CIT: variants seen among roughly 807,000 people sequenced by gnomAD.
The protein encoded by CIT is citron Rho-interacting kinase.
Under a neutral mutation model 272.7 loss-of-function variants are expected in CIT, and 79 were observed. The ratio of observed to expected loss-of-function variants is 0.29; its 90% CI spans 0.24 to 0.35. The LOEUF is 0.35. Ranked by LOEUF, CIT falls within the 10% of genes least tolerant of loss-of-function variation. The pLI is 1.00. For synonymous variants in CIT, 948 were observed against 995.6 expected (o/e 0.95, Z 0.90); for missense variants, 1,909 against 2,618.3 (o/e 0.73, Z 5.91).
intron 3 of CIT, among the ~76,000 whole-genome samples, chr12:119,867,475 ACCGCGCCCAGCCAC>A (rs1333915815): frequency 6.6e-6 from 1 of 152,196 alleles, no homozygotes; most frequent in Non-Finnish European, 1.5e-5. Flanking sequence ...CGCATGAGCC[ACCGCGCCCAGCCAC>A]AGTGACTATT....
rs747238115 is a variant in CIT at position 119,758,695 on chromosome 12, G to A, written c.2427C>T (p.Ile809=). The stretch of plus-strand genomic sequence containing the variant: ...ATCTGATCTTGGAATCCATAGCATT[G>A]ATCATCTGAAACACAGGGCACCTAT... ...GKILSEQKAM[I]NAMDSKIRSL... The change falls in exon 21 of 48, where the codon ATC becomes ATT. Residue 809 remains isoleucine (I), a synonymous_variant. Coordinates refer to ENST00000392521, the MANE Select transcript of CIT (RefSeq NM_001206999.2). 1.4e-5 allele frequency: 22 copies of A among 1,606,808 alleles called. No individual in the cohort carries two copies. Among genetic ancestry groups the A allele is most frequent in the Non-Finnish European group, 1.8e-5 (21 of 1,173,344 alleles).
At chr12:119,775,071 G>A (rs1471304821) in intron 16 of CIT, among the ~76,000 whole-genome samples, 6 of 152,152 alleles carry the variant, frequency 3.9e-5, no homozygotes, top group South Asian at 2.1e-4. Flanking sequence ...TCAGGAGTTC[G>A]AGACCAGCCT....
rs267603337 is a variant in CIT, at chr12:119,757,431, G to A, written c.2646C>T (p.Ile882=). The A allele has an allele frequency of 1.9e-6, 3 of 1,614,172 alleles. No homozygotes were observed. Among genetic ancestry groups the A allele is most frequent in the Non-Finnish European group, 8.5e-7 (1 of 1,180,032 alleles). ...TCTTGTCACTGTGGTCTTGGTGGCT[G>A]ATCTTCTCCAGCTGCTCCTCCAGTT... is the stretch of plus-strand genomic sequence containing the variant. ...NRKLEEQLEK[I]SHQDHSDKNR... Residue 882 remains isoleucine, a synonymous_variant, in exon 22 of 48, where the codon ATC becomes ATT. Transcript: ENST00000392521.
intron 25 of CIT, among the ~76,000 whole-genome samples, chr12:119,734,721 C>T (rs1448902971): frequency 1.3e-5 from 2 of 152,284 alleles, no homozygotes; most frequent in Admixed American, 1.3e-4. Context: ...ACTGCAGCCT[C>T]GACCTCCTGG....
intron 28 of CIT, among the ~76,000 whole-genome samples, chr12:119,727,360 G>C (rs1238901111): frequency 6.6e-6 from 1 of 152,156 alleles, no homozygotes; most frequent in East Asian, 1.9e-4. Context: ...AGAACGGAAA[G>C]CTAACTACTG....
intron 3 of CIT, among the ~76,000 whole-genome samples, chr12:119,868,500 A>G (rs1245794990): frequency 6.6e-6 from 1 of 152,138 alleles, no homozygotes; most frequent in African/African-American, 2.4e-5. Flanking sequence ...TAAAGCTAAA[A>G]CTTAACTCAT....
At chr12:119,695,215 G>A (rs1956165649) in intron 46 of CIT, among the ~76,000 whole-genome samples, 1 of 152,168 alleles carries the variant, frequency 6.6e-6, no homozygotes, top group African/African-American at 2.4e-5. Context: ...CCCCAGATCT[G>A]TGGAAGAGTT....
intron 9 of CIT, among the ~76,000 whole-genome samples, chr12:119,815,675 C>A (rs2137986560): frequency 6.6e-6 from 1 of 151,802 alleles, no homozygotes; most frequent in South Asian, 2.1e-4. Flanking sequence ...CATTGCACTC[C>A]AGCCTGGGCA....
chr12:119,747,638 T>C (rs534520360), intron 23 of CIT, among the ~76,000 whole-genome samples: 1 of 151,490 alleles, frequency 6.6e-6, no homozygotes, highest in Non-Finnish European at 1.5e-5. Context: ...GAGAATCGCC[T>C]GAACCCAGGA....
At chr12:119,747,927 A>T (rs753984746) in intron 23 of CIT, among the ~76,000 whole-genome samples, 4 of 152,134 alleles carry the variant, frequency 2.6e-5, no homozygotes, top group Non-Finnish European at 4.4e-5. Flanking sequence ...ACTTTGAGAG[A>T]CCAAGGCAGG....
In CIT at chr12:119,876,173, C is replaced by T. The variant is rs1179894199; in HGVS notation, c.-5G>A. The T allele has an allele frequency of 1.2e-6, 2 of 1,608,448 alleles. No individual in the cohort carries two copies. Among genetic ancestry groups the T allele is most frequent in the African/African-American group, 2.7e-5 (2 of 74,736 alleles). Reference sequence around the variant, plus strand: ...TCCATATTTGAACTTCAACATCTCCCCACTGGCGCTGAAAGGATATCAGAA... The same window carrying T: ...TCCATATTTGAACTTCAACATCTCCTCACTGGCGCTGAAAGGATATCAGAA... On this transcript the variant is annotated 5_prime_UTR_variant, in exon 2 of 48. Transcript: ENST00000392521.
At chr12:119,720,645 G>A in intron 29 of CIT, 60 bp from the exon 30 acceptor site, 1 of 1,269,210 alleles carries the variant, frequency 7.9e-7, no homozygotes, top group Non-Finnish European at 1.1e-6. Context: ...TTTAAAGTTG[G>A]TACTTTAAGA....
chr12:119,732,929 C>G (rs1958541895), intron 26 of CIT, among the ~76,000 whole-genome samples: 1 of 152,200 alleles, frequency 6.6e-6, no homozygotes, highest in Admixed American at 6.5e-5. Context: ...TTTGTACAAA[C>G]TGGAAAGCGG....
At chr12:119,789,375 A>G (rs972617793) in intron 10 of CIT, among the ~76,000 whole-genome samples, 2 of 152,196 alleles carry the variant, frequency 1.3e-5, no homozygotes, top group Non-Finnish European at 2.9e-5. Flanking sequence ...TAAGAACCCA[A>G]TTTTGAAATT....
At chr12:119,699,649 C>T (rs1393435686) in intron 44 of CIT, 3 of 356,962 alleles carry the variant, frequency 8.4e-6, no homozygotes, top group Non-Finnish European at 1.7e-5. Flanking sequence ...CGCAGCTAAG[C>T]GCCCACATTA....
chr12:119,727,182 A>G (rs980112148), intron 28 of CIT, among the ~76,000 whole-genome samples: 3 of 152,234 alleles, frequency 2.0e-5, no homozygotes, highest in Non-Finnish European at 4.4e-5. Flanking sequence ...TAAGCATCAC[A>G]TAGAAGGATA....
At chr12:119,765,249 T>G (rs1047230140) in intron 19 of CIT, among the ~76,000 whole-genome samples, 1 of 151,144 alleles carries the variant, frequency 6.6e-6, no homozygotes, top group African/African-American at 2.4e-5. Flanking sequence ...AAAAACATTT[T>G]TTAAATAGCC....
Position 119,712,979 on chromosome 12 carries a change from G to A in CIT, c.4579+224C>T, listed in dbSNP as rs1387633253. On this transcript the variant is annotated intron_variant, in intron 35 of 47. Transcript: ENST00000392521. The surrounding 1 kb of genome is among the most constrained non-coding windows in gnomAD (Gnocchi z 5.2). ...AAGTTCTCGGAAGGTGTATTAGCAG[G>A]TGGAATCTTCAGGGCAGCGCCCTGC... The A allele has an allele frequency of 5.1e-6, 3 of 593,896 alleles. No individual in the cohort carries two copies. Among genetic ancestry groups the A allele is most frequent in the African/African-American group, 1.9e-5 (1 of 53,848 alleles). 36.8% of individuals were successfully genotyped at this position (593,896 alleles called of 1,614,324 possible).
chr12:119,698,074 GCA>G lies in CIT; in HGVS notation c.5624-22_5624-21del. The G allele has an allele frequency of 1.2e-6, 2 of 1,606,474 alleles. No individual in the cohort carries two copies. The highest frequency in any genetic ancestry group is 1.7e-6 in the Non-Finnish European group (2 of 1,173,082). ...TGTAGGCTGTGTGATCACCATGCAG[GCA>G]CAGTGTGGGCCAAAGAATGGTGAAA... On this transcript the variant is annotated intron_variant, in intron 44 of 47. Coordinates refer to ENST00000392521, the MANE Select transcript of CIT (RefSeq NM_001206999.2).
Sources: gnomAD v4.1 joint callset for allele counts (sites outside exome capture counted in the v4.1 genomes callset) on GRCh38, gnomAD v4.1.1 for gene constraint, Gnocchi (gnomAD v3.1) non-coding constraint, MANE v1.5 for transcripts, NCBI Gene and HGNC (gene_info 2026-07-23, HGNC 2026-07-21) for gene names.